The following AGAP1 variants were observed in gnomAD, a reference collection of about 807,000 sequenced individuals.
The protein encoded by AGAP1 is arf-GAP with GTPase, ANK repeat and PH domain-containing protein 1.
In AGAP1, 29 loss-of-function variants were observed where a neutral mutation model predicts 105.3. That is an observed-to-expected ratio of 0.28 (90% confidence interval 0.21 to 0.38). The LOEUF (loss-of-function observed/expected upper bound fraction) is 0.38. Ranked by LOEUF, AGAP1 falls within the 10% of genes least tolerant of loss-of-function variation. The probability of loss-of-function intolerance (pLI) is 1.00; values close to 1 mark genes in which losing one functional copy is unlikely to be tolerated. For synonymous variants in AGAP1, 509 were observed against 485.9 expected (o/e 1.05, Z -0.63); for missense variants, 998 against 1,165.1 (o/e 0.86, Z 2.09).
chr2:235,531,283 T>G (rs1943036518), intron 1 of AGAP1, among the ~76,000 whole-genome samples: 1 of 152,188 alleles, frequency 6.6e-6, no homozygotes, highest in Non-Finnish European at 1.5e-5. Flanking sequence ...GGCCTCACAC[T>G]GCTGGTTATG....
rs1360453503 is a variant in AGAP1, at chr2:235,830,438, C to G, written c.1050+23107C>G. Among the ~76,000 whole-genome samples, 2 of 152,222 alleles carry G rather than the reference C, an allele frequency of 1.3e-5. No individual in the cohort carries two copies. Among genetic ancestry groups the G allele is most frequent in the Admixed American group, 1.3e-4 (2 of 15,286 alleles). On this transcript the variant is annotated intron_variant, in intron 9 of 17. Coordinates refer to ENST00000304032, the MANE Select transcript of AGAP1 (RefSeq NM_001037131.3). The surrounding 1 kb of genome is among the most constrained non-coding windows in gnomAD (Gnocchi z 5.5). ...CTGATTGCAGGCACTTCAAAGCCGT[C>G]AGTTCCATTCATTGTTTTTCAAAGT...
At chr2:235,790,555 C>T (rs1269621142) in intron 6 of AGAP1, among the ~76,000 whole-genome samples, 1 of 152,160 alleles carries the variant, frequency 6.6e-6, no homozygotes, top group Non-Finnish European at 1.5e-5. Flanking sequence ...AAGCATAGAT[C>T]TCTTCACTTC....
In AGAP1 at chr2:235,723,454, C is replaced by T. The variant is rs941480260; in HGVS notation, c.310+5810C>T. 6.6e-6 allele frequency among the ~76,000 whole-genome samples: 1 copy of T among 152,220 alleles called. No individual in the cohort carries two copies. Among genetic ancestry groups the T allele is most frequent in the Non-Finnish European group, 1.5e-5 (1 of 68,034 alleles). ...AAATGTGGACCTGCCCAAGACACTT[C>T]ACCCCCTGCAGGTGGGGAGAGTGTG... On this transcript the variant is annotated intron_variant, in intron 3 of 17. Transcript: ENST00000304032. This position sits in a 1 kb window ranked among gnomAD's most constrained non-coding sequence, Gnocchi z 6.2.
chr2:236,071,371 T>C (rs2058490877), intron 16 of AGAP1, among the ~76,000 whole-genome samples: 1 of 151,844 alleles, frequency 6.6e-6, no homozygotes, highest in Admixed American at 6.6e-5. Context: ...TCCCAGCCAC[T>C]CCTGGAAGGA....
In AGAP1 at chr2:236,127,904, A is replaced by G. The variant is rs1342031827; in HGVS notation, c.*3782A>G. On this transcript the variant is annotated 3_prime_UTR_variant, in exon 18 of 18. Coordinates refer to ENST00000304032, the MANE Select transcript of AGAP1 (RefSeq NM_001037131.3). The surrounding 1 kb of genome is among the most constrained non-coding windows in gnomAD (Gnocchi z 6.6). The stretch of plus-strand genomic sequence containing the variant: ...TGCAGTGAGGTTTCAAACCAGTGTG[A>G]TAAGTGTTGGCCTCACACCTGGCCC... 1.3e-5 allele frequency: 2 copies of G among 152,254 alleles called. No homozygotes were observed. Among genetic ancestry groups the G allele is most frequent in the East Asian group, 1.9e-4 (1 of 5,200 alleles). The allele number at this position is 152,254 out of a possible 1,614,324, so 9.4% of individuals were successfully genotyped here. A position where few individuals can be genotyped will look rare whatever the true frequency, so the allele number is the denominator to read the frequency against.
chr2:235,823,714 T>C (rs1278158820), intron 9 of AGAP1, among the ~76,000 whole-genome samples: 1 of 152,266 alleles, frequency 6.6e-6, no homozygotes, highest in Non-Finnish European at 1.5e-5. Context: ...GTATTGCGAC[T>C]GGTCAGCTTT....
chr2:235,580,746 G>A (rs1403357005), intron 1 of AGAP1, among the ~76,000 whole-genome samples: 2 of 152,114 alleles, frequency 1.3e-5, no homozygotes, highest in Admixed American at 6.6e-5. Context: ...ATGACAGTCA[G>A]CAATTGCAAC....
At chr2:235,589,534 AT>A (rs1945260573) in intron 1 of AGAP1, among the ~76,000 whole-genome samples, 1 of 151,866 alleles carries the variant, frequency 6.6e-6, no homozygotes, top group Admixed American at 6.6e-5. Flanking sequence ...TTATTTCTGA[AT>A]TTCCCATCCA....
intron 1 of AGAP1, among the ~76,000 whole-genome samples, chr2:235,629,004 G>T (rs1004834949): frequency 6.6e-6 from 1 of 152,056 alleles, no homozygotes; most frequent in African/African-American, 2.4e-5. Context: ...TAGAGACGGG[G>T]TTTCACCATA....
At chr2:235,860,302 T>G (rs943249208) in intron 9 of AGAP1, among the ~76,000 whole-genome samples, 2 of 152,218 alleles carry the variant, frequency 1.3e-5, no homozygotes, top group South Asian at 4.1e-4. Flanking sequence ...AGTCATTACG[T>G]AAGTGCGTTC....
intron 1 of AGAP1, among the ~76,000 whole-genome samples, chr2:235,644,332 T>C (rs970538855): frequency 6.6e-6 from 1 of 152,216 alleles, no homozygotes; most frequent in Non-Finnish European, 1.5e-5. Context: ...TCCCGTTCAC[T>C]GTCATGTGGC....
At position 235,976,175 on chromosome 2, in the gene AGAP1, T is replaced by C. The variant is rs998622571; in HGVS notation, c.1645+7552T>C. 3.9e-5 allele frequency among the ~76,000 whole-genome samples: 6 copies of C among 152,158 alleles called. No individual in the cohort carries two copies. Among genetic ancestry groups the C allele is most frequent in the Non-Finnish European group, 8.8e-5 (6 of 68,024 alleles). On this transcript the variant is annotated intron_variant, in intron 13 of 17. Coordinates refer to ENST00000304032, the MANE Select transcript of AGAP1 (RefSeq NM_001037131.3). This position sits in a 1 kb window ranked among gnomAD's most constrained non-coding sequence, Gnocchi z 4.5. ...GGGCTGTCAGTGATGGGAGCCACCA[T>C]GCATCCCGACGGACTTGCCTCCTCC...
chr2:236,036,773 C>T lies in AGAP1; in HGVS notation c.1800+58C>T. 6.2e-7 allele frequency: 1 copy of T among 1,600,874 alleles called. No homozygotes were observed. Among genetic ancestry groups the T allele is most frequent in the African/African-American group, 1.3e-5 (1 of 74,394 alleles). On this transcript the variant is annotated intron_variant, in intron 14 of 17. Coordinates refer to ENST00000304032, the MANE Select transcript of AGAP1 (RefSeq NM_001037131.3). The surrounding 1 kb of genome is among the most constrained non-coding windows in gnomAD (Gnocchi z 5.7). ...GGGCTGCTCAGGGGGAGTGCGGGCC[C>T]CAAGTAATGCCCCAGGGAGGAGAAA... is the stretch of plus-strand genomic sequence containing the variant.
At chr2:235,647,052 C>T (rs932259096) in intron 1 of AGAP1, among the ~76,000 whole-genome samples, 2 of 149,826 alleles carry the variant, frequency 1.3e-5, no homozygotes, top group East Asian at 2.0e-4. Flanking sequence ...AGGAGAATGG[C>T]GTGAACCTGG....
chr2:235,953,176 T>C lies in AGAP1; in HGVS notation c.1484-15286T>C, dbSNP rs190911590. ...TTTAGGAGAGAGTCTTGAAATCACC[T>C]GGAACAAGAAGTTTTTCAAATATTT... On this transcript the variant is annotated intron_variant, in intron 12 of 17. Coordinates refer to ENST00000304032, the MANE Select transcript of AGAP1 (RefSeq NM_001037131.3). This position sits in a 1 kb window ranked among gnomAD's most constrained non-coding sequence, Gnocchi z 5.2. Among the ~76,000 whole-genome samples the C allele has an allele frequency of 6.6e-6, 1 of 152,348 alleles. No individual in the cohort carries two copies. Among genetic ancestry groups the C allele is most frequent in the Admixed American group, 6.5e-5 (1 of 15,302 alleles).
chr2:236,006,093 A>C (rs746260507), intron 13 of AGAP1, among the ~76,000 whole-genome samples: 1 of 152,108 alleles, frequency 6.6e-6, no homozygotes, highest in African/African-American at 2.4e-5. Context: ...ATTTGTATTC[A>C]TGTGGACTTG....
At chr2:235,926,141 T>G (rs984077720) in intron 11 of AGAP1, among the ~76,000 whole-genome samples, 3 of 152,358 alleles carry the variant, frequency 2.0e-5, no homozygotes, top group Middle Eastern at 3.4e-3. Context: ...GTCAATTAGT[T>G]AATGACATTC....
At chr2:235,593,015 T>G (rs1000065574) in intron 1 of AGAP1, among the ~76,000 whole-genome samples, 1 of 152,096 alleles carries the variant, frequency 6.6e-6, no homozygotes, top group Non-Finnish European at 1.5e-5. Flanking sequence ...GAAATGAGCG[T>G]TAGGTGACCC....
intron 11 of AGAP1, among the ~76,000 whole-genome samples, chr2:235,923,560 C>G (rs559853640): frequency 8.0e-6 from 1 of 124,600 alleles, no homozygotes; most frequent in Non-Finnish European, 1.6e-5. Context: ...TCTGATTTCT[C>G]ACTCCGTAGA....
Sources: gnomAD v4.1 joint callset for allele counts (sites outside exome capture counted in the v4.1 genomes callset) on GRCh38, gnomAD v4.1.1 for gene constraint, Gnocchi (gnomAD v3.1) non-coding constraint, MANE v1.5 for transcripts, NCBI Gene and HGNC (gene_info 2026-07-23, HGNC 2026-07-21) for gene names.